Variants in PTCD2 observed in about 807,000 individuals in gnomAD.
PTCD2 encodes pentatricopeptide repeat domain 2, also known as pentatricopeptide repeat-containing protein 2, mitochondrial.
A neutral mutation model predicts 42.6 loss-of-function variants in PTCD2; 31 were observed. The ratio of observed to expected loss-of-function variants is 0.73; its 90% CI spans 0.55 to 0.98. PTCD2 has a LOEUF of 0.98. Ranked by LOEUF, PTCD2 falls within the 50% of genes least tolerant of loss-of-function variation. The probability of loss-of-function intolerance (pLI) is 0.00; values close to 1 mark genes in which losing one functional copy is unlikely to be tolerated. For missense variants in PTCD2, 476 were observed against 454.8 expected, an observed-to-expected ratio of 1.05 and a Z score of -0.42; for synonymous variants, 183 against 170.9, an observed-to-expected ratio of 1.07 and a Z score of -0.55.
At chr5:72,339,525 G>C (rs1751940259) in intron 7 of PTCD2, among the ~76,000 whole-genome samples, 1 of 152,156 alleles carries the variant, frequency 6.6e-6, no homozygotes, top group East Asian at 1.9e-4. Context: ...GTCATTGAAG[G>C]ACAAGCCAAG....
intron 8 of PTCD2, among the ~76,000 whole-genome samples, chr5:72,350,591 C>T (rs922172901): frequency 6.4e-4 from 97 of 152,164 alleles, no homozygotes; most frequent in African/African-American, 2.2e-3. Context: ...ATTTGAGAGA[C>T]GCATGGAAAG....
At chr5:72,345,894 ATGCATAACTCCAAACTTCTGAAAG>A (rs1330073974) in intron 8 of PTCD2, among the ~76,000 whole-genome samples, 2 of 152,238 alleles carry the variant, frequency 1.3e-5, no homozygotes, top group African/African-American at 4.8e-5. Flanking sequence ...AATAGGAATT[ATGCATAACTCCAAACTTCTGAAAG>A]AGTCATACTT....
chr5:72,328,775 A>T (rs1314292357), intron 3 of PTCD2, among the ~76,000 whole-genome samples: 1 of 152,102 alleles, frequency 6.6e-6, no homozygotes, highest in African/African-American at 2.4e-5. Context: ...AGTATTTATT[A>T]TATGTTAGGT....
intron 7 of PTCD2, among the ~76,000 whole-genome samples, chr5:72,341,159 T>G (rs768626842): frequency 3.9e-5 from 6 of 151,960 alleles, no homozygotes; most frequent in Non-Finnish European, 8.8e-5. Flanking sequence ...CCCAGCTAAA[T>G]TTTTGTATTT....
chr5:72,352,810 T>C, intron 9 of PTCD2, 56 bp downstream of exon 9: 2 of 885,976 alleles, frequency 2.3e-6, no homozygotes, highest in African/African-American at 1.7e-5. Flanking sequence ...CTCTTAAAAA[T>C]GTCCACTAAT....
At chr5:72,357,790 T>C (rs568696477) in intron 9 of PTCD2, among the ~76,000 whole-genome samples, 2 of 152,208 alleles carry the variant, frequency 1.3e-5, no homozygotes, top group Non-Finnish European at 2.9e-5. Flanking sequence ...CTCATAGTAA[T>C]ACTGCTGTCT....
intron 7 of PTCD2, among the ~76,000 whole-genome samples, chr5:72,339,270 G>C (rs1300236731): frequency 6.6e-6 from 1 of 152,228 alleles, no homozygotes; most frequent in Non-Finnish European, 1.5e-5. Flanking sequence ...GATGGACAGA[G>C]TTAGAGCTGA....
chr5:72,320,452 T>G lies in PTCD2; in HGVS notation c.70T>G (p.Leu24Val), dbSNP rs771688721. The change falls in exon 1 of 10, where the codon TTG becomes GTG. Residue 24 changes from leucine to valine, a missense_variant. Coordinates refer to ENST00000380639, the MANE Select transcript of PTCD2 (RefSeq NM_024754.5). ...AGTTCTCCTGCAGGCGCTGCAGATT[T>G]TGGTGTATCCTGGGGTGGGAGGCTC... is the stretch of plus-strand genomic sequence containing the variant. ...NRVLLQALQI[L>V]VYPGVGGSGS... 6.2e-7 allele frequency: 1 copy of G among 1,614,154 alleles called. No individual in the cohort carries two copies. Among genetic ancestry groups the G allele is most frequent in the Non-Finnish European group, 8.5e-7 (1 of 1,180,032 alleles).
chr5:72,346,913 T>C (rs1336039215), intron 8 of PTCD2, among the ~76,000 whole-genome samples: 3 of 152,194 alleles, frequency 2.0e-5, no homozygotes, highest in African/African-American at 7.2e-5. Context: ...ACTTGGATCA[T>C]TGATCACTTT....
chr5:72,322,125 C>A, intron 1 of PTCD2, 47 bp from the exon 2 acceptor site: 1 of 1,019,520 alleles, frequency 9.8e-7, no homozygotes, highest in Non-Finnish European at 1.5e-6. Context: ...TTGCTAACTT[C>A]TAAAACAGTC....
chr5:72,343,001 A>C lies in PTCD2; in HGVS notation c.793A>C (p.Met265Leu), dbSNP rs1218215154. Residue 265 changes from methionine (M) to leucine (L), a missense_variant, in exon 8 of 10, where the codon ATG becomes CTG. Met to Leu is a conservative substitution (Grantham distance 15). Coordinates refer to ENST00000380639, the MANE Select transcript of PTCD2 (RefSeq NM_024754.5). ...AKAVSIFSQI[M>L]NPESIACINL... ...AGCTGTGTCCATTTTTTCTCAAATC[A>C]TGAATCCAGAAAGCATAGCCTGCAT... The C allele has an allele frequency of 3.7e-6, 6 of 1,602,962 alleles. No homozygotes were observed. The highest frequency in any genetic ancestry group is 3.4e-5 in the South Asian group (3 of 89,450).
intron 4 of PTCD2, among the ~76,000 whole-genome samples, chr5:72,333,706 T>C (rs1751564295): frequency 6.6e-6 from 1 of 152,378 alleles, no homozygotes; most frequent in South Asian, 2.1e-4. Flanking sequence ...CTATAGTTAA[T>C]GACAATGTAT....
intron 8 of PTCD2, among the ~76,000 whole-genome samples, chr5:72,343,508 A>G (rs1262740871): frequency 6.6e-6 from 1 of 152,214 alleles, no homozygotes; most frequent in Non-Finnish European, 1.5e-5. Context: ...TGTGGTAAGC[A>G]TTCAGTAAAT....
chr5:72,348,140 G>A (rs1397164184), intron 8 of PTCD2, among the ~76,000 whole-genome samples: 1 of 152,112 alleles, frequency 6.6e-6, no homozygotes, highest in Non-Finnish European at 1.5e-5. Flanking sequence ...AAAAAGATAT[G>A]GTTGCCATTC....
At chr5:72,354,874 C>T (rs1018545291) in intron 9 of PTCD2, among the ~76,000 whole-genome samples, 1 of 152,140 alleles carries the variant, frequency 6.6e-6, no homozygotes, top group Admixed American at 6.6e-5. Flanking sequence ...AGGGTCTGTT[C>T]GTACAAAGGA....
intron 8 of PTCD2, among the ~76,000 whole-genome samples, chr5:72,350,604 G>T (rs561599869): frequency 8.3e-4 from 126 of 152,308 alleles, no homozygotes; most frequent in Middle Eastern, 6.8e-3. Context: ...ATGGAAAGTT[G>T]TCTCCCAAAA....
intron 7 of PTCD2, among the ~76,000 whole-genome samples, chr5:72,339,950 T>C (rs901229796): frequency 3.3e-5 from 5 of 152,198 alleles, no homozygotes; most frequent in African/African-American, 7.2e-5. Context: ...TATGCTTTAT[T>C]TTTGCAATCT....
chr5:72,343,002 T>C lies in PTCD2; in HGVS notation c.794T>C (p.Met265Thr). ...AKAVSIFSQI[M>T]NPESIACINL... The stretch of plus-strand genomic sequence containing the variant: ...GCTGTGTCCATTTTTTCTCAAATCA[T>C]GAATCCAGAAAGCATAGCCTGCATT... The change falls in exon 8 of 10, where the codon ATG becomes ACG. Residue 265 changes from methionine (M) to threonine (T), a missense_variant. Physicochemically the swap from Met to Thr is moderately conservative, Grantham distance 81. Transcript: ENST00000380639. 6.2e-7 allele frequency: 1 copy of C among 1,603,140 alleles called. No individual in the cohort carries two copies. Among genetic ancestry groups the C allele is most frequent in the Non-Finnish European group, 8.5e-7 (1 of 1,174,864 alleles).
Position 72,358,754 on chromosome 5 carries a change from A to T in PTCD2, c.*327A>T. 3.0e-6 allele frequency: 1 copy of T among 329,388 alleles called. No homozygotes were observed. Among genetic ancestry groups the T allele is most frequent in the Non-Finnish European group, 5.7e-6 (1 of 175,654 alleles). 20.4% of individuals were successfully genotyped at this position (329,388 alleles called of 1,614,324 possible). A position where few individuals can be genotyped will look rare whatever the true frequency, so the allele number is the denominator to read the frequency against. ...AGCACCATCAGGAATGAATTTCACT[A>T]CAAGTGTGGATAACTCTGATTTTCA... On this transcript the variant is annotated 3_prime_UTR_variant, in exon 10 of 10. Coordinates refer to ENST00000380639, the MANE Select transcript of PTCD2 (RefSeq NM_024754.5).
Sources: allele counts gnomAD v4.1 joint callset (sites outside exome capture counted in the v4.1 genomes callset), GRCh38; gene constraint gnomAD v4.1.1; transcripts MANE v1.5; gene names NCBI Gene and HGNC (gene_info 2026-07-23, HGNC 2026-07-21).